ENPP2: variants seen among roughly 807,000 people sequenced by gnomAD.
ENPP2 encodes the protein autotaxin.
In ENPP2, 51 loss-of-function variants were observed where a neutral mutation model predicts 120.2. The ratio of observed to expected loss-of-function variants is 0.42; its 90% confidence interval spans 0.34 to 0.54. ENPP2 has a LOEUF of 0.54. Ranked by LOEUF, ENPP2 falls within the 20% of genes least tolerant of loss-of-function variation. ENPP2 has a pLI of 0.04. For missense variants in ENPP2, 920 were observed against 1,066.5 expected, an observed-to-expected ratio of 0.86 and a Z score of 1.91; for synonymous variants, 365 against 366.4, an observed-to-expected ratio of 1.00 and a Z score of 0.04.
At chr8:119,646,972 G>C (rs948787242) in intron 1 of ENPP2, among the ~76,000 whole-genome samples, 1 of 149,954 alleles carries the variant, frequency 6.7e-6, no homozygotes, top group East Asian at 1.9e-4. Flanking sequence ...AATGAACTGT[G>C]TTACCATATT....
intron 9 of ENPP2, among the ~76,000 whole-genome samples, chr8:119,603,083 C>T (rs1374100): frequency 0.57 from 86,430 of 152,050 alleles, 26,085 homozygotes; most frequent in African/African-American, 0.77. Flanking sequence ...TGGATAAATG[C>T]GACCCTGATC....
At chr8:119,558,811 C>T (rs1185070557) in intron 24 of ENPP2, among the ~76,000 whole-genome samples, 1 of 152,070 alleles carries the variant, frequency 6.6e-6, no homozygotes, top group East Asian at 1.9e-4. Context: ...GGCTGCATGT[C>T]CTAGGTCTGG....
chr8:119,658,264 G>A (rs1374123970), intron 1 of ENPP2, among the ~76,000 whole-genome samples: 6 of 152,090 alleles, frequency 3.9e-5, no homozygotes, highest in African/African-American at 1.4e-4. Context: ...GTAGGGACTG[G>A]GGCTTCTGTT....
intron 1 of ENPP2, among the ~76,000 whole-genome samples, chr8:119,671,132 CAAAAA>C (rs371191607): frequency 1.2e-3 from 138 of 115,204 alleles, no homozygotes; most frequent in African/African-American, 4.1e-3. Context: ...ACTAAAAATA[CAAAAA>C]AAAAAAAAAA....
At chr8:119,609,536 G>A (rs1445499409) in intron 8 of ENPP2, among the ~76,000 whole-genome samples, 1 of 152,066 alleles carries the variant, frequency 6.6e-6, no homozygotes, top group African/African-American at 2.4e-5. Flanking sequence ...GACAAATTCT[G>A]GCATCCTCCA....
At chr8:119,630,260 C>G (rs1378236523) in intron 2 of ENPP2, among the ~76,000 whole-genome samples, 1 of 152,064 alleles carries the variant, frequency 6.6e-6, no homozygotes, top group African/African-American at 2.4e-5. Context: ...AGGCACCCAC[C>G]ACCATGTCCA....
chr8:119,640,440 T>C (rs1817243660), upstream of ENPP2, among the ~76,000 whole-genome samples: 1 of 152,230 alleles, frequency 6.6e-6, no homozygotes, highest in Admixed American at 6.5e-5. Flanking sequence ...AATCCTGTTA[T>C]TTCATTATAT....
intron 9 of ENPP2, among the ~76,000 whole-genome samples, chr8:119,606,502 G>C (rs896908774): frequency 2.6e-5 from 4 of 151,706 alleles, no homozygotes; most frequent in African/African-American, 9.7e-5. Context: ...AAGAGTTAAA[G>C]AAATGTCACA....
chr8:119,644,120 AC>A (rs1345663740), intron 1 of ENPP2, among the ~76,000 whole-genome samples: 3 of 152,136 alleles, frequency 2.0e-5, no homozygotes, highest in Non-Finnish European at 2.9e-5. Context: ...CCTAAAGGCA[AC>A]AAAAAGCCCT....
At chr8:119,595,835 A>G (rs557043450) in intron 11 of ENPP2, 1 of 1,613,602 alleles carries the variant, frequency 6.2e-7, no homozygotes, top group East Asian at 2.2e-5. Flanking sequence ...TTGGAACAAT[A>G]GATAAACTTA....
chr8:119,611,945 C>T (rs74450811), intron 8 of ENPP2, among the ~76,000 whole-genome samples: 1 of 152,198 alleles, frequency 6.6e-6, no homozygotes, highest in Non-Finnish European at 1.5e-5. Context: ...ATGAGAATCA[C>T]TTGAACCCGG....
At chr8:119,643,936 A>G (rs1817355011) in intron 1 of ENPP2, among the ~76,000 whole-genome samples, 1 of 152,168 alleles carries the variant, frequency 6.6e-6, no homozygotes, top group Admixed American at 6.6e-5. Flanking sequence ...GAGAGAGAAC[A>G]GGCAAAGATC....
chr8:119,642,793 G>A (rs1000823324), upstream of ENPP2, among the ~76,000 whole-genome samples: 9 of 152,104 alleles, frequency 5.9e-5, no homozygotes, highest in African/African-American at 1.4e-4. Context: ...TTATATAAAT[G>A]CACAGTCTAT....
At chr8:119,566,463 A>C (rs1814456132) in intron 22 of ENPP2, among the ~76,000 whole-genome samples, 1 of 152,218 alleles carries the variant, frequency 6.6e-6, no homozygotes, top group Admixed American at 6.5e-5. Context: ...AGCCCACAAG[A>C]GCCAAAATAC....
chr8:119,638,488 A>G lies in ENPP2; in HGVS notation c.73T>C (p.Cys25Arg). 1 of 1,610,740 alleles carries G rather than the reference A, an allele frequency of 6.2e-7. No individual in the cohort carries two copies. The highest frequency in any genetic ancestry group is 8.5e-7 in the Non-Finnish European group (1 of 1,176,890). ...LFTFAVGVNI[C>R]LGFTAHRIKR... ...ATTCGATGTGCAGTGAATCCTAAGCAGATATTGACTCCAACGGCAAAAGTG... is the reference window on the plus strand; with the variant it reads ...ATTCGATGTGCAGTGAATCCTAAGCGGATATTGACTCCAACGGCAAAAGTG... The change falls in exon 2 of 25, where the codon TGC becomes CGC. Residue 25 changes from cysteine (C) to arginine (R), a missense_variant. Coordinates refer to ENST00000075322, the MANE Select transcript of ENPP2 (RefSeq NM_001040092.3).
chr8:119,651,701 T>C (rs927710212), intron 1 of ENPP2, among the ~76,000 whole-genome samples: 1 of 152,202 alleles, frequency 6.6e-6, no homozygotes, highest in Non-Finnish European at 1.5e-5. Context: ...TGTTGTAAGC[T>C]GACCTTCTTG....
At chr8:119,624,644 G>T (rs1433930034) in intron 3 of ENPP2, among the ~76,000 whole-genome samples, 3 of 152,010 alleles carry the variant, frequency 2.0e-5, no homozygotes, top group African/African-American at 7.3e-5. Context: ...AATGAATTAG[G>T]TTGCAACAGT....
At chr8:119,624,218 T>C (rs567298660) in intron 3 of ENPP2, among the ~76,000 whole-genome samples, 2 of 152,254 alleles carry the variant, frequency 1.3e-5, no homozygotes, top group South Asian at 2.1e-4. Flanking sequence ...AAATGAAATA[T>C]AAAATAAATC....
At chr8:119,605,797 G>C (rs1587460156) in intron 9 of ENPP2, among the ~76,000 whole-genome samples, 1 of 152,156 alleles carries the variant, frequency 6.6e-6, no homozygotes, top group Middle Eastern at 3.4e-3. Flanking sequence ...TTGAAGATGA[G>C]GACATGGATT....
Sources: gnomAD v4.1 joint callset for allele counts (sites outside exome capture counted in the v4.1 genomes callset) on GRCh38, gnomAD v4.1.1 for gene constraint, MANE v1.5 for transcripts, NCBI Gene and HGNC (gene_info 2026-07-23, HGNC 2026-07-21) for gene names.